KCNN2: variants seen among roughly 807,000 people sequenced by gnomAD.
KCNN2 encodes the protein potassium calcium-activated channel subfamily N member 2.
Under a neutral mutation model 55.5 loss-of-function variants are expected in KCNN2, and 24 were observed. The observed-to-expected ratio is 0.43, with a 90% CI of 0.31 to 0.61. The LOEUF (loss-of-function observed/expected upper bound fraction) is 0.61. KCNN2 is among the 20% of genes least tolerant of loss of function. KCNN2 has a pLI of 0.08. For missense variants in KCNN2, 754 were observed against 853.6 expected (o/e 0.88, Z 1.45); for synonymous variants, 431 against 336.1 (o/e 1.28, Z -3.09).
intron 2 of KCNN2, among the ~76,000 whole-genome samples, chr5:114,343,897 T>G (rs1757060889): frequency 6.6e-6 from 1 of 152,160 alleles, no homozygotes; most frequent in Non-Finnish European, 1.5e-5. Context: ...TTCTCCTATT[T>G]ATGTGGTCCT....
intron 1 of KCNN2, among the ~76,000 whole-genome samples, chr5:114,164,049 A>C (rs1025112129): frequency 1.3e-5 from 2 of 152,182 alleles, no homozygotes; most frequent in Non-Finnish European, 2.9e-5. Flanking sequence ...CTGATTGTCA[A>C]TATGAGTGAA....
intron 1 of KCNN2, among the ~76,000 whole-genome samples, chr5:114,168,110 T>G (rs1011620331): frequency 1.3e-5 from 2 of 151,904 alleles, no homozygotes; most frequent in African/African-American, 2.4e-5. Flanking sequence ...TTTTAAGTTT[T>G]AAATATATGT....
At chr5:114,423,444 T>G (rs1337967645) in intron 3 of KCNN2, among the ~76,000 whole-genome samples, 1 of 152,170 alleles carries the variant, frequency 6.6e-6, no homozygotes, top group East Asian at 1.9e-4. Flanking sequence ...AAGTGTTTCA[T>G]AAGTTGCATT....
intron 5 of KCNN2, among the ~76,000 whole-genome samples, chr5:114,476,909 A>C (rs1761993509): frequency 8.1e-6 from 1 of 123,268 alleles, no homozygotes; most frequent in Non-Finnish European, 1.9e-5. Flanking sequence ...CAACTTAATG[A>C]GTATCATTTA....
chr5:114,230,183 G>C (rs2112602794), intron 2 of KCNN2, among the ~76,000 whole-genome samples: 1 of 151,684 alleles, frequency 6.6e-6, no homozygotes. Flanking sequence ...TTTAGATTAA[G>C]GATAAGTATT....
intron 2 of KCNN2, among the ~76,000 whole-genome samples, chr5:114,329,025 A>G (rs917370027): frequency 6.6e-6 from 1 of 152,150 alleles, no homozygotes; most frequent in Admixed American, 6.5e-5. Flanking sequence ...CTTACATTGA[A>G]TGTTCCAACA....
At chr5:114,303,449 G>A (rs541258562) in intron 2 of KCNN2, among the ~76,000 whole-genome samples, 2 of 152,252 alleles carry the variant, frequency 1.3e-5, no homozygotes, top group Admixed American at 6.5e-5. Flanking sequence ...TGTTGAAGTA[G>A]GAAGACTTTA....
At chr5:114,195,047 A>G (rs999739389) in intron 1 of KCNN2, among the ~76,000 whole-genome samples, 2 of 152,020 alleles carry the variant, frequency 1.3e-5, no homozygotes, top group African/African-American at 4.8e-5. Flanking sequence ...TCATTGATCT[A>G]TAAGTCTATC....
intron 1 of KCNN2, among the ~76,000 whole-genome samples, chr5:114,164,196 A>C (rs985347880): frequency 1.3e-4 from 20 of 152,238 alleles, no homozygotes; most frequent in Non-Finnish European, 4.4e-5. Flanking sequence ...ATTTAGAACA[A>C]ATCCATAGTA....
chr5:114,465,682 A>G (rs944396760), intron 4 of KCNN2, among the ~76,000 whole-genome samples: 7 of 152,218 alleles, frequency 4.6e-5, no homozygotes, highest in African/African-American at 1.4e-4. Flanking sequence ...GTTATATGTA[A>G]TGGAATTTAT....
intron 2 of KCNN2, among the ~76,000 whole-genome samples, chr5:114,299,151 T>C (rs1187909975): frequency 6.6e-6 from 1 of 151,522 alleles, no homozygotes; most frequent in Non-Finnish European, 1.5e-5. Flanking sequence ...TTGGTTTTCT[T>C]GTTCTTTCCA....
At chr5:114,442,580 A>G (rs916968504) in intron 3 of KCNN2, among the ~76,000 whole-genome samples, 3 of 152,088 alleles carry the variant, frequency 2.0e-5, no homozygotes, top group Admixed American at 6.5e-5. Context: ...CCCTCATGCA[A>G]TACATCTCTA....
intron 2 of KCNN2, among the ~76,000 whole-genome samples, chr5:114,314,973 AAC>A (rs1561567609): frequency 9.2e-5 from 14 of 152,152 alleles, no homozygotes; most frequent in Admixed American, 7.9e-4. Flanking sequence ...CTCTAACAAG[AAC>A]ACAGAGGTTT....
chr5:114,181,521 G>A (rs1035231582), intron 1 of KCNN2, among the ~76,000 whole-genome samples: 1 of 151,900 alleles, frequency 6.6e-6, no homozygotes, highest in Non-Finnish European at 1.5e-5. Flanking sequence ...ATTTCTCCTT[G>A]TATTGAATAT....
At chr5:114,234,616 C>A (rs1193791864) in intron 2 of KCNN2, among the ~76,000 whole-genome samples, 1 of 152,196 alleles carries the variant, frequency 6.6e-6, no homozygotes, top group East Asian at 1.9e-4. Flanking sequence ...CAAAAATACA[C>A]TGTGCTGCTT....
intron 1 of KCNN2, among the ~76,000 whole-genome samples, chr5:114,199,276 C>A (rs899021991): frequency 1.3e-5 from 2 of 151,956 alleles, no homozygotes; most frequent in Admixed American, 1.3e-4. Context: ...AGTGTAATGT[C>A]TTTTTCTATC....
intron 1 of KCNN2, among the ~76,000 whole-genome samples, chr5:114,116,356 A>C (rs896636119): frequency 6.6e-6 from 1 of 152,176 alleles, no homozygotes; most frequent in Non-Finnish European, 1.5e-5. Flanking sequence ...CTAAAGTTAC[A>C]AGTCATTGTA....
chr5:114,330,910 AG>A (rs1283025148), intron 2 of KCNN2, among the ~76,000 whole-genome samples: 1 of 152,220 alleles, frequency 6.6e-6, no homozygotes, highest in Non-Finnish European at 1.5e-5. Flanking sequence ...AAAAATTAGC[AG>A]GGGTTCAATG....
chr5:114,309,354 C>A (rs943028467), intron 2 of KCNN2, among the ~76,000 whole-genome samples: 1 of 152,154 alleles, frequency 6.6e-6, no homozygotes, highest in African/African-American at 2.4e-5. Context: ...TCACGGGAAG[C>A]AGGCTCACAC....
Sources: gnomAD v4.1 joint callset for allele counts (sites outside exome capture counted in the v4.1 genomes callset) on GRCh38, gnomAD v4.1.1 for gene constraint, MANE v1.5 for transcripts, NCBI Gene and HGNC (gene_info 2026-07-23, HGNC 2026-07-21) for gene names.